The following NRROS variants were observed in gnomAD, a reference collection of about 807,000 sequenced individuals.
The protein encoded by NRROS is negative regulator of reactive oxygen species.
A neutral mutation model predicts 12.0 loss-of-function variants in NRROS; 6 were observed. The ratio of observed to expected loss-of-function variants is 0.50; its 90% CI spans 0.27 to 0.98. The LOEUF is 0.98. Ranked by LOEUF, NRROS falls within the 50% of genes least tolerant of loss-of-function variation. The pLI is 0.11. For missense variants in NRROS, 857 were observed against 888.2 expected (o/e 0.96, Z 0.45); for synonymous variants, 462 against 410.2 (o/e 1.13, Z -1.53).
chr3:196,648,135 A>T (rs1737346316), intron 1 of NRROS, among the ~76,000 whole-genome samples: 1 of 152,232 alleles, frequency 6.6e-6, no homozygotes, highest in South Asian at 2.1e-4. Flanking sequence ...TTTCAGGAAC[A>T]CTTATTTCAT....
At chr3:196,640,539 C>G (rs1737186752) in intron 1 of NRROS, among the ~76,000 whole-genome samples, 2 of 151,892 alleles carry the variant, frequency 1.3e-5, no homozygotes, top group South Asian at 4.2e-4. Context: ...GGATCTTAGC[C>G]TAGACTTAGA....
chr3:196,655,167 G>A (rs1737511456), intron 2 of NRROS, among the ~76,000 whole-genome samples: 1 of 151,736 alleles, frequency 6.6e-6, no homozygotes, highest in African/African-American at 2.4e-5. Context: ...CCCAGGAAGT[G>A]GAGGTTGCAG....
At position 196,660,944 on chromosome 3, in the gene NRROS, G is replaced by C. The variant is rs755648080; in HGVS notation, c.1301G>C (p.Ser434Thr). Residue 434 changes from serine to threonine, a missense_variant, in exon 3 of 3, where the codon AGC (serine) becomes ACC (threonine). Ser to Thr is a moderately conservative substitution (Grantham distance 58). Coordinates refer to ENST00000328557, the MANE Select transcript of NRROS (RefSeq NM_198565.3). This position sits in a 1 kb window ranked among gnomAD's most constrained non-coding sequence, Gnocchi z 7.7. ...NARNITTLDM[S>T]HNQISLCPLP... ...AGGAACATCACTACACTTGACATGA[G>C]CCACAATCAGATCTCACTTTGTCCC... The C allele has an allele frequency of 6.2e-7, 1 of 1,614,212 alleles. No homozygotes were observed. The highest frequency in any genetic ancestry group is 8.5e-7 in the Non-Finnish European group (1 of 1,180,044).
intron 1 of NRROS, among the ~76,000 whole-genome samples, chr3:196,651,851 GTC>G (rs1393792270): frequency 6.6e-6 from 1 of 152,206 alleles, no homozygotes; most frequent in African/African-American, 2.4e-5. Flanking sequence ...ACTCTAGGAT[GTC>G]TCTGTCCAAG....
chr3:196,660,902 G>C lies in NRROS; in HGVS notation c.1259G>C (p.Gly420Ala), dbSNP rs758593550. 1 of 1,614,106 alleles carries C rather than the reference G, an allele frequency of 6.2e-7. No individual in the cohort carries two copies. Among genetic ancestry groups the C allele is most frequent in the South Asian group, 1.1e-5 (1 of 91,088 alleles). The change falls in exon 3 of 3, where the codon GGC becomes GCC. Residue 420 changes from glycine (G) to alanine (A), a missense_variant. Coordinates refer to ENST00000328557, the MANE Select transcript of NRROS (RefSeq NM_198565.3). This position sits in a 1 kb window ranked among gnomAD's most constrained non-coding sequence, Gnocchi z 7.7. ...AACCAGCTCCTGGGCGTCCCCCCTG[G>C]CCTCTTCGCCAATGCTAGGAACATC... ...SSNQLLGVPP[G>A]LFANARNITT...
At chr3:196,657,199 G>A (rs1327417012) in intron 2 of NRROS, among the ~76,000 whole-genome samples, 3 of 146,228 alleles carry the variant, frequency 2.1e-5, no homozygotes, top group Non-Finnish European at 4.5e-5. Flanking sequence ...GCAAGACTCC[G>A]TATCAAAAAA....
At position 196,661,871 on chromosome 3, in the gene NRROS, A is replaced by G. The variant is rs1025951553; in HGVS notation, c.*149A>G. The G allele has an allele frequency of 1.1e-5, 5 of 439,910 alleles. No homozygotes were observed. The African/African-American group carries it at 1.9e-4, about 16-fold the overall frequency. The allele number at this position is 439,910 out of a possible 1,614,324, so 27.3% of individuals were successfully genotyped here. A position where few individuals can be genotyped will look rare whatever the true frequency, so the allele number is the denominator to read the frequency against. ...GTTTCCATTCCTCATCGCCCACCCC[A>G]CCCCCGCCCCCACCACCGCCCAAGT... On this transcript the variant is annotated 3_prime_UTR_variant, in exon 3 of 3. Transcript: ENST00000328557.
In NRROS at chr3:196,661,616, C is replaced by G; in HGVS notation, c.1973C>G (p.Pro658Arg). The change falls in exon 3 of 3, where the codon CCC (proline) becomes CGC (arginine). Residue 658 changes from proline to arginine, a missense_variant. By Grantham distance (103) the Pro-to-Arg change is moderately radical (BLOSUM62 -2). Coordinates refer to ENST00000328557, the MANE Select transcript of NRROS (RefSeq NM_198565.3). ...CTGCTCTACCTCGTGCTCATCCTCC[C>G]CAGCTGCCTCACCCTGCTGGTGGCC... The part of the protein sequence containing the change: ...LGLLYLVLIL[P>R]SCLTLLVACT... 6.2e-7 allele frequency: 1 copy of G among 1,613,226 alleles called. No individual in the cohort carries two copies. The highest frequency in any genetic ancestry group is 8.5e-7 in the Non-Finnish European group (1 of 1,180,008).
Position 196,660,524 on chromosome 3 carries a change from C to T in NRROS, c.881C>T (p.Ser294Leu), listed in dbSNP as rs1737646794. 8 of 1,614,166 alleles carry T rather than the reference C, an allele frequency of 5.0e-6. No homozygotes were observed. Among genetic ancestry groups the T allele is most frequent in the South Asian group, 1.1e-5 (1 of 91,082 alleles). The change falls in exon 3 of 3, where the codon TCG becomes TTG. Residue 294 changes from serine to leucine, a missense_variant. By Grantham distance (145) the Ser-to-Leu change is moderately radical. Coordinates refer to ENST00000328557, the MANE Select transcript of NRROS (RefSeq NM_198565.3). The surrounding 1 kb of genome is among the most constrained non-coding windows in gnomAD (Gnocchi z 7.7). The stretch of plus-strand genomic sequence containing the variant: ...TTCTACCGGGACCTGTACAACACCT[C>T]GTCGCCGAGGGAGATGGTGGCCCAG... ...MGFYRDLYNT[S>L]SPREMVAQFL...
In NRROS at chr3:196,660,226, G is replaced by A. The variant is rs1737636776; in HGVS notation, c.583G>A (p.Glu195Lys). ...GGATCTGCAGAGGAACTACATCTTC[G>A]AGATCGAGGGCGGCGCTTTCGACGG... is the stretch of plus-strand genomic sequence containing the variant. ...ELDLQRNYIFEIEGGAFDGLA... is the reference protein window; with the variant it reads ...ELDLQRNYIFKIEGGAFDGLA... Residue 195 changes from glutamate to lysine, a missense_variant, in exon 3 of 3, where the codon GAG (glutamate) becomes AAG (lysine). Physicochemically the swap from Glu to Lys is moderately conservative, Grantham distance 56 (BLOSUM62 1). Coordinates refer to ENST00000328557, the MANE Select transcript of NRROS (RefSeq NM_198565.3). The surrounding 1 kb of genome is among the most constrained non-coding windows in gnomAD (Gnocchi z 7.7). 6.2e-7 allele frequency: 1 copy of A among 1,613,602 alleles called. No homozygotes were observed. The highest frequency in any genetic ancestry group is 8.5e-7 in the Non-Finnish European group (1 of 1,180,044).
intron 2 of NRROS, among the ~76,000 whole-genome samples, chr3:196,658,739 G>A (rs1737588936): frequency 6.6e-6 from 1 of 152,210 alleles, no homozygotes; most frequent in Non-Finnish European, 1.5e-5. Flanking sequence ...GGCCGAGGCA[G>A]GCAGATCACC....
rs189782443 is a variant in NRROS at position 196,654,578 on chromosome 3, C to T, written c.39C>T (p.His13=). The change falls in exon 2 of 3, where the codon CAC becomes CAT. Residue 13 remains histidine (H), a synonymous_variant. Coordinates refer to ENST00000328557, the MANE Select transcript of NRROS (RefSeq NM_198565.3). This position sits in a 1 kb window ranked among gnomAD's most constrained non-coding sequence, Gnocchi z 4.4. ...CTCTTTGGCTCTGCCTGGGTTTTCA[C>T]TTCCTGACCGTGGGCTGGAGGAACA... ...LLPLWLCLGF[H]FLTVGWRNRS... 63 of 1,614,158 alleles carry T rather than the reference C, an allele frequency of 3.9e-5. No homozygotes were observed. The highest frequency in any genetic ancestry group is 1.5e-4 in the Admixed American group (9 of 60,020).
chr3:196,651,454 C>G (rs1376043786), intron 1 of NRROS, among the ~76,000 whole-genome samples: 2 of 152,058 alleles, frequency 1.3e-5, no homozygotes, highest in Non-Finnish European at 2.9e-5. Context: ...TTATCCTCAC[C>G]TAGGTAGGGT....
In NRROS at chr3:196,660,262, C is replaced by T. The variant is rs780883650; in HGVS notation, c.619C>T (p.Leu207=). 2.5e-6 allele frequency: 4 copies of T among 1,613,888 alleles called. No homozygotes were observed. The South Asian group carries it at 3.3e-5, about 13-fold the overall frequency. The change falls in exon 3 of 3, where the codon CTG becomes TTG. Residue 207 remains leucine, a synonymous_variant. Coordinates refer to ENST00000328557, the MANE Select transcript of NRROS (RefSeq NM_198565.3). This position sits in a 1 kb window ranked among gnomAD's most constrained non-coding sequence, Gnocchi z 7.7. The stretch of plus-strand genomic sequence containing the variant: ...CGGCGCTTTCGACGGCCTGGCTGAG[C>T]TGAGGCACCTCAACCTGGCCTTCAA... ...EGGAFDGLAE[L]RHLNLAFNNL... is the part of the protein sequence containing the mutation.
intron 1 of NRROS, among the ~76,000 whole-genome samples, chr3:196,652,333 A>G (rs1328871188): frequency 6.6e-6 from 1 of 152,194 alleles, no homozygotes; most frequent in Non-Finnish European, 1.5e-5. Context: ...AGTAATAATT[A>G]ATAATTGTGT....
In NRROS at chr3:196,660,975, A is replaced by G; in HGVS notation, c.1332A>G (p.Pro444=). The change falls in exon 3 of 3, where the codon CCA becomes CCG. Residue 444 remains proline (P), a synonymous_variant. Coordinates refer to ENST00000328557, the MANE Select transcript of NRROS (RefSeq NM_198565.3). The surrounding 1 kb of genome is among the most constrained non-coding windows in gnomAD (Gnocchi z 7.7). ...SHNQISLCPL[P]AASDRVGPPS... is the part of the protein sequence containing the mutation. ...ATCAGATCTCACTTTGTCCCCTGCCAGCTGCCTCGGACCGGGTGGGCCCCC... is the reference window on the plus strand; with the variant it reads ...ATCAGATCTCACTTTGTCCCCTGCCGGCTGCCTCGGACCGGGTGGGCCCCC... The G allele has an allele frequency of 6.2e-7, 1 of 1,614,196 alleles. No individual in the cohort carries two copies. Among genetic ancestry groups the G allele is most frequent in the Non-Finnish European group, 8.5e-7 (1 of 1,180,040 alleles).
chr3:196,651,671 G>C (rs1560341762), intron 1 of NRROS, among the ~76,000 whole-genome samples: 2 of 152,206 alleles, frequency 1.3e-5, no homozygotes, highest in Non-Finnish European at 2.9e-5. Context: ...GGAGGCTGAG[G>C]CAGGAGAATT....
At chr3:196,657,302 A>G (rs1737555619) in intron 2 of NRROS, among the ~76,000 whole-genome samples, 2 of 152,172 alleles carry the variant, frequency 1.3e-5, no homozygotes, top group South Asian at 2.1e-4. Context: ...AGGGAATTGC[A>G]GAGGTGTGAC....
chr3:196,661,806 C>T lies in NRROS; in HGVS notation c.*84C>T. 1 of 1,178,168 alleles carries T rather than the reference C, an allele frequency of 8.5e-7. No homozygotes were observed. The highest frequency in any genetic ancestry group is 1.6e-5 in the South Asian group (1 of 61,770). The allele number at this position is 1,178,168 out of a possible 1,614,324, so 73.0% of individuals were successfully genotyped here. A position where few individuals can be genotyped will look rare whatever the true frequency, so the allele number is the denominator to read the frequency against. On this transcript the variant is annotated 3_prime_UTR_variant, in exon 3 of 3. Transcript: ENST00000328557. ...CAGCTTTCAAGATGTGATGCAGAGG[C>T]CAAGTCTGACGAATTGAAGTTTCAA...
Sources: gnomAD v4.1 joint callset for allele counts (sites outside exome capture counted in the v4.1 genomes callset) on GRCh38, gnomAD v4.1.1 for gene constraint, Gnocchi (gnomAD v3.1) non-coding constraint, MANE v1.5 for transcripts, NCBI Gene and HGNC (gene_info 2026-07-23, HGNC 2026-07-21) for gene names.